Variants in CDH13 observed in about 807,000 individuals in gnomAD.
CDH13 encodes cadherin 13, also known as cadherin-13.
A neutral mutation model predicts 63.8 loss-of-function variants in CDH13; 24 were observed. The observed-to-expected ratio is 0.38, with a 90% confidence interval of 0.27 to 0.53. CDH13 has a LOEUF of 0.53. Ranked by LOEUF, CDH13 falls within the 20% of genes least tolerant of loss-of-function variation. CDH13 has a pLI of 0.85. For missense variants in CDH13, 1,049 were observed against 903.1 expected (o/e 1.16, Z -2.07); for synonymous variants, 503 against 355.3 (o/e 1.42, Z -4.67).
chr16:83,537,603 G>C (rs1278048666), intron 7 of CDH13, among the ~76,000 whole-genome samples: 2 of 151,838 alleles, frequency 1.3e-5, no homozygotes. Flanking sequence ...AGAACTTTCA[G>C]TACCCTAAGA....
At chr16:83,325,855 A>G (rs1423053586) in intron 5 of CDH13, among the ~76,000 whole-genome samples, 4 of 152,210 alleles carry the variant, frequency 2.6e-5, no homozygotes, top group Non-Finnish European at 5.9e-5. Flanking sequence ...ATGTTGCTGC[A>G]TGCCTTCGGC....
At chr16:83,653,584 A>G (rs908530073) in intron 8 of CDH13, among the ~76,000 whole-genome samples, 4 of 152,212 alleles carry the variant, frequency 2.6e-5, no homozygotes, top group Admixed American at 1.3e-4. Context: ...TTTTAATATC[A>G]TCAGCACTCT....
At chr16:83,569,975 T>G (rs1338051146) in intron 7 of CDH13, among the ~76,000 whole-genome samples, 1 of 152,154 alleles carries the variant, frequency 6.6e-6, no homozygotes, top group Non-Finnish European at 1.5e-5. Flanking sequence ...GACCTCGTGA[T>G]CTTCCTGCCT....
chr16:83,153,821 G>T (rs1054572636), intron 4 of CDH13, among the ~76,000 whole-genome samples: 1 of 152,108 alleles, frequency 6.6e-6, no homozygotes, highest in South Asian at 2.1e-4. Flanking sequence ...GTGGCATTTC[G>T]GTTTTTTGTG....
intron 2 of CDH13, among the ~76,000 whole-genome samples, chr16:82,997,071 GTGA>G (rs1567728549): frequency 8.6e-5 from 13 of 150,880 alleles, no homozygotes. Context: ...GGTGATGGTG[GTGA>G]TGGTAATGAC....
At chr16:83,698,694 G>A (rs754461618) in intron 10 of CDH13, among the ~76,000 whole-genome samples, 14 of 152,218 alleles carry the variant, frequency 9.2e-5, no homozygotes, top group Non-Finnish European at 1.9e-4. Context: ...AACAAGCCGG[G>A]TCAGTAACCC....
intron 7 of CDH13, among the ~76,000 whole-genome samples, chr16:83,519,457 T>G (rs1567731972): frequency 1.3e-5 from 2 of 152,218 alleles, no homozygotes; most frequent in Non-Finnish European, 2.9e-5. Flanking sequence ...TGAAAATGAA[T>G]TTCATATCGC....
chr16:82,662,787 CT>C (rs1156523010), intron 1 of CDH13, among the ~76,000 whole-genome samples: 3 of 152,182 alleles, frequency 2.0e-5, no homozygotes, highest in Admixed American at 6.5e-5. Context: ...GTATGTGTCC[CT>C]CTGGGAGGGC....
intron 1 of CDH13, among the ~76,000 whole-genome samples, chr16:82,670,223 G>A (rs914695562): frequency 2.6e-5 from 4 of 152,196 alleles, no homozygotes; most frequent in African/African-American, 9.6e-5. Flanking sequence ...ATGTCATGCT[G>A]AATTGCAAAT....
chr16:83,347,178 C>G (rs1382306115), intron 6 of CDH13, among the ~76,000 whole-genome samples: 1 of 152,192 alleles, frequency 6.6e-6, no homozygotes, highest in Non-Finnish European at 1.5e-5. Flanking sequence ...AGACGGTATC[C>G]TCTTTCCAAC....
intron 1 of CDH13, among the ~76,000 whole-genome samples, chr16:82,770,538 TTAATC>T (rs1409893033): frequency 5.3e-5 from 8 of 152,226 alleles, no homozygotes; most frequent in African/African-American, 7.2e-5. Context: ...CATCATAAGT[TTAATC>T]TATATAGTTA....
chr16:83,092,365 C>T (rs959471042), intron 3 of CDH13, among the ~76,000 whole-genome samples: 2 of 152,188 alleles, frequency 1.3e-5, no homozygotes, highest in African/African-American at 2.4e-5. Context: ...TAGTACAGAT[C>T]ATCTGGGCTC....
chr16:83,286,770 G>A (rs201081882), intron 5 of CDH13, among the ~76,000 whole-genome samples: 6 of 141,710 alleles, frequency 4.2e-5, no homozygotes, highest in Admixed American at 1.4e-4. Flanking sequence ...AAAAAAAAAT[G>A]TATATATATA....
intron 5 of CDH13, among the ~76,000 whole-genome samples, chr16:83,344,378 G>T (rs2090792405): frequency 6.6e-6 from 1 of 152,192 alleles, no homozygotes; most frequent in Admixed American, 6.5e-5. Context: ...CAAATTCTGA[G>T]TTCCTAGCCT....
At chr16:83,345,605 T>G (rs1239764953) in intron 6 of CDH13, among the ~76,000 whole-genome samples, 1 of 152,246 alleles carries the variant, frequency 6.6e-6, no homozygotes, top group African/African-American at 2.4e-5. Context: ...TTTCCCATGT[T>G]TAACCTTTCT....
At chr16:83,535,985 C>G (rs2075179157) in intron 7 of CDH13, among the ~76,000 whole-genome samples, 1 of 151,782 alleles carries the variant, frequency 6.6e-6, no homozygotes, top group East Asian at 1.9e-4. Context: ...GAAAGAAACC[C>G]ATGGACACCC....
rs145952690 is a variant in CDH13, at chr16:83,462,847, C to T, written c.782-23630C>T. On this transcript the variant is annotated intron_variant, in intron 6 of 13. Coordinates refer to ENST00000567109, the MANE Select transcript of CDH13 (RefSeq NM_001257.5). ...CTCTAATACTATTTGTTCACTTACT[C>T]ATCAATTTGTCCAATAAAAGTTTAT... Among the ~76,000 whole-genome samples, 55 of 152,228 alleles carry T rather than the reference C, an allele frequency of 3.6e-4. 1 individual carries two copies. The highest frequency in any genetic ancestry group is 1.2e-3 in the African/African-American group (51 of 41,534).
At chr16:83,443,817 C>T (rs1310882517) in intron 6 of CDH13, among the ~76,000 whole-genome samples, 2 of 142,444 alleles carry the variant, frequency 1.4e-5, no homozygotes, top group African/African-American at 5.2e-5. Context: ...TGCCTGTAGT[C>T]CCAGCTACTC....
chr16:83,774,790 A>T (rs1482895016), intron 11 of CDH13, among the ~76,000 whole-genome samples: 1 of 152,186 alleles, frequency 6.6e-6, no homozygotes, highest in Admixed American at 6.5e-5. Flanking sequence ...GGGAAGGGGA[A>T]TGGGGACTTG....
Sources: allele counts gnomAD v4.1 joint callset (sites outside exome capture counted in the v4.1 genomes callset), GRCh38; gene constraint gnomAD v4.1.1; transcripts MANE v1.5; gene names NCBI Gene and HGNC (gene_info 2026-07-23, HGNC 2026-07-21).